The following PLCH1 variants were observed in gnomAD, a reference collection of about 807,000 sequenced individuals.
PLCH1 encodes phospholipase C eta 1.
A neutral mutation model predicts 126.7 loss-of-function variants in PLCH1; 60 were observed. The observed-to-expected ratio is 0.47, with a 90% CI of 0.38 to 0.59. PLCH1 has a LOEUF of 0.59. PLCH1 is among the 20% of genes least tolerant of loss of function. The pLI, the probability that PLCH1 is intolerant of heterozygous loss-of-function variation, is 0.00. For synonymous variants in PLCH1, 719 were observed against 734.9 expected, an observed-to-expected ratio of 0.98 and a Z score of 0.35; for missense variants, 1,723 against 2,040.0, an observed-to-expected ratio of 0.84 and a Z score of 2.99.
At chr3:155,643,181 T>G (rs979205602) in intron 2 of PLCH1, among the ~76,000 whole-genome samples, 3 of 152,080 alleles carry the variant, frequency 2.0e-5, no homozygotes, top group Non-Finnish European at 4.4e-5. Flanking sequence ...ACTCCTGACC[T>G]CCAGTGGTCC....
intron 6 of PLCH1, among the ~76,000 whole-genome samples, chr3:155,571,951 G>A (rs1729286476): frequency 6.6e-6 from 1 of 152,158 alleles, no homozygotes; most frequent in Non-Finnish European, 1.5e-5. Context: ...CTGTGATTGT[G>A]TTTCCTTTCT....
At chr3:155,499,738 A>G (rs970674328) in intron 14 of PLCH1, among the ~76,000 whole-genome samples, 5 of 152,186 alleles carry the variant, frequency 3.3e-5, no homozygotes, top group South Asian at 4.1e-4. Flanking sequence ...GCCTTTCTCA[A>G]ACTTACATAT....
chr3:155,676,090 T>C (rs1239263334), intron 2 of PLCH1: 2 of 1,465,518 alleles, frequency 1.4e-6, no homozygotes, highest in Non-Finnish European at 1.8e-6. Context: ...AATTTCTCTC[T>C]AAAGGCAAAG....
intron 2 of PLCH1, among the ~76,000 whole-genome samples, chr3:155,606,715 A>ATTAT (rs1356917680): frequency 6.6e-6 from 1 of 152,228 alleles, no homozygotes; most frequent in Non-Finnish European, 1.5e-5. Context: ...GAATAGGCTG[A>ATTAT]TAATAGAGTC....
intron 3 of PLCH1, 101 bp from the exon 4 acceptor site, chr3:155,594,285 A>G (rs757268674): frequency 1.3e-5 from 15 of 1,156,956 alleles, no homozygotes; most frequent in Middle Eastern, 2.8e-4. Context: ...AATATTAAAA[A>G]TAAGTATGAG....
At chr3:155,707,693 A>G (rs558833478) in intron 1 of PLCH1, among the ~76,000 whole-genome samples, 1 of 152,014 alleles carries the variant, frequency 6.6e-6, no homozygotes, top group Admixed American at 6.6e-5. Flanking sequence ...GATAATAGAT[A>G]ATTATTATTT....
At chr3:155,627,760 T>C (rs1308444766) in intron 2 of PLCH1, among the ~76,000 whole-genome samples, 2 of 137,846 alleles carry the variant, frequency 1.5e-5, no homozygotes, top group Non-Finnish European at 3.0e-5. Flanking sequence ...CCAAAAAAAG[T>C]TATCGGAGAT....
At chr3:155,577,323 G>A (rs1029535719) in intron 6 of PLCH1, among the ~76,000 whole-genome samples, 16 of 151,814 alleles carry the variant, frequency 1.1e-4, no homozygotes, top group Admixed American at 9.2e-4. Context: ...CATTTTCATA[G>A]GTTTATTGAC....
rs1187674282 is a variant in PLCH1, at chr3:155,596,392, TAG to T, written c.80-16_80-15del. On this transcript the variant is annotated splice_polypyrimidine_tract_variant and intron_variant, in intron 2 of 22. Transcript: ENST00000460012. The stretch of plus-strand genomic sequence containing the variant: ...TGCATCTTTCAACTGCAAAAGAAAT[TAG>T]AGTGTATCCAGCTATCACACAATGC... 1.2e-6 allele frequency: 2 copies of T among 1,608,388 alleles called. No individual in the cohort carries two copies. The highest frequency in any genetic ancestry group is 1.1e-5 in the South Asian group (1 of 89,890).
chr3:155,723,876 C>T (rs1233536879), intron 1 of PLCH1, among the ~76,000 whole-genome samples: 2 of 151,302 alleles, frequency 1.3e-5, no homozygotes, highest in African/African-American at 4.9e-5. Context: ...ATCGCTTGAA[C>T]CCAGGAGGTG....
rs192254862 is a variant in PLCH1 at position 155,602,404 on chromosome 3, G to C, written c.80-6026C>G. Among the ~76,000 whole-genome samples the C allele has an allele frequency of 2.0e-4, 30 of 152,220 alleles. No homozygotes were observed. The East Asian group carries it at 5.8e-3, about 29-fold the overall frequency. ...AAGAAAGGGAATGACACTACTCTTA[G>C]TATCCCACATACTTAAATCAGTAAG... On this transcript the variant is annotated intron_variant, in intron 2 of 22. Transcript: ENST00000460012.
intron 12 of PLCH1, among the ~76,000 whole-genome samples, chr3:155,508,301 C>G (rs1411584443): frequency 1.6e-4 from 1 of 6,122 alleles, no homozygotes; most frequent in Admixed American, 1.4e-3. Context: ...CGTCTGCAAA[C>G]AGGGACAATT....
intron 10 of PLCH1, among the ~76,000 whole-genome samples, chr3:155,534,367 G>C (rs1216799799): frequency 1.3e-5 from 2 of 152,180 alleles, no homozygotes; most frequent in Non-Finnish European, 1.5e-5. Flanking sequence ...CTTGCATGGA[G>C]CCTGTATCTC....
chr3:155,720,368 C>T (rs1747856679), intron 1 of PLCH1, among the ~76,000 whole-genome samples: 1 of 151,018 alleles, frequency 6.6e-6, no homozygotes, highest in African/African-American at 2.5e-5. Context: ...TCACCACATC[C>T]ACACTGACAT....
downstream of PLCH1, among the ~76,000 whole-genome samples, chr3:155,478,303 T>G (rs985818503): frequency 1.3e-5 from 2 of 151,956 alleles, no homozygotes; most frequent in African/African-American, 4.8e-5. Flanking sequence ...ACAAAAAAAA[T>G]AGAAAGAATG....
intron 2 of PLCH1, among the ~76,000 whole-genome samples, chr3:155,621,370 C>T (rs777867985): frequency 6.6e-6 from 1 of 152,158 alleles, no homozygotes; most frequent in Non-Finnish European, 1.5e-5. Context: ...AGGATCACAA[C>T]TCCTCACCAG....
chr3:155,606,544 C>A (rs1269444582), intron 2 of PLCH1, among the ~76,000 whole-genome samples: 1 of 152,146 alleles, frequency 6.6e-6, no homozygotes, highest in South Asian at 2.1e-4. Flanking sequence ...TAATTAGCTA[C>A]GTAGGAAATA....
In PLCH1 at chr3:155,481,714, G is replaced by T; in HGVS notation, c.4312C>A (p.His1438Asn). 6.2e-7 allele frequency: 1 copy of T among 1,614,202 alleles called. No homozygotes were observed. Among genetic ancestry groups the T allele is most frequent in the South Asian group, 1.1e-5 (1 of 91,074 alleles). Residue 1438 changes from histidine to asparagine, a missense_variant, in exon 23 of 23, where the codon CAT becomes AAT. By Grantham distance (68) the His-to-Asn change is moderately conservative. Around this residue, in one of 2 missense-constraint regions of PLCH1, gnomAD observed 947 missense variants for 977.1 expected, o/e 0.97. Coordinates refer to ENST00000460012, the MANE Select transcript of PLCH1 (RefSeq NM_014996.4). The surrounding 1 kb of genome is among the most constrained non-coding windows in gnomAD (Gnocchi z 4.2). ...AYQGAGFVHN[H>N]FSDSDAKMFQ... is the part of the protein sequence containing the mutation. ...ATTTTTGCATCTGAATCTGAGAAAT[G>T]ATTATGCACAAAGCCAGCACCCTGA...
At chr3:155,615,350 T>C (rs1735665159) in intron 2 of PLCH1, among the ~76,000 whole-genome samples, 1 of 152,164 alleles carries the variant, frequency 6.6e-6, no homozygotes, top group Admixed American at 6.5e-5. Context: ...TGTAAACTAG[T>C]ACAACCACTA....
Sources: gnomAD v4.1 joint callset for allele counts (sites outside exome capture counted in the v4.1 genomes callset) on GRCh38, gnomAD v4.1.1 for gene constraint, gnomAD v4.1.1 regional missense constraint, Gnocchi (gnomAD v3.1) non-coding constraint, MANE v1.5 for transcripts, NCBI Gene and HGNC (gene_info 2026-07-23, HGNC 2026-07-21) for gene names.